RPS6KC1: variants seen among roughly 807,000 people sequenced by gnomAD.
RPS6KC1 encodes the protein inactive ribosomal protein S6 kinase delta-1.
Under a neutral mutation model 103.8 loss-of-function variants are expected in RPS6KC1, and 54 were observed. The observed-to-expected ratio is 0.52, with a 90% CI of 0.42 to 0.65. RPS6KC1 has a LOEUF of 0.65. Ranked by LOEUF, RPS6KC1 falls within the 30% of genes least tolerant of loss-of-function variation. The pLI, the probability that RPS6KC1 is intolerant of heterozygous loss-of-function variation, is 0.00. For synonymous variants in RPS6KC1, 439 were observed against 438.7 expected (o/e 1.00, Z -0.01); for missense variants, 1,151 against 1,253.8 (o/e 0.92, Z 1.24).
At chr1:213,383,502 C>T in the RPS6KC1 span, among the ~76,000 whole-genome samples, 19 of 152,298 alleles carry the variant, frequency 1.2e-4, no homozygotes, top group South Asian at 2.5e-3. Context: ...ATTTCATATC[C>T]GCATCTGTAA....
At chr1:213,660,931 C>G in the RPS6KC1 span, among the ~76,000 whole-genome samples, 2 of 152,304 alleles carry the variant, frequency 1.3e-5, no homozygotes, top group African/African-American at 4.8e-5. Context: ...TTTCAGAGAT[C>G]ATTTTGCCTG....
the RPS6KC1 span, among the ~76,000 whole-genome samples, chr1:213,667,136 C>T: frequency 1.3e-5 from 2 of 152,154 alleles, no homozygotes; most frequent in Non-Finnish European, 2.9e-5. Context: ...AGGCCTGGAA[C>T]CCAGGGCTTC....
intron 10 of RPS6KC1, among the ~76,000 whole-genome samples, chr1:213,236,784 T>C (rs2148904905): frequency 6.6e-6 from 1 of 152,230 alleles, no homozygotes; most frequent in South Asian, 2.1e-4. Flanking sequence ...AGTCTCTGAC[T>C]GTGGATATAC....
the RPS6KC1 span, among the ~76,000 whole-genome samples, chr1:213,636,879 C>G: frequency 6.6e-6 from 1 of 151,800 alleles, no homozygotes; most frequent in African/African-American, 2.4e-5. Context: ...TGACAAAGGG[C>G]TAATATCCAG....
chr1:213,296,071 T>C, the RPS6KC1 span, among the ~76,000 whole-genome samples: 1 of 152,208 alleles, frequency 6.6e-6, no homozygotes, highest in Admixed American at 6.5e-5. Context: ...TTTGAATCAT[T>C]TGTAAAGTGC....
chr1:213,570,348 A>G, the RPS6KC1 span, among the ~76,000 whole-genome samples: 1 of 152,216 alleles, frequency 6.6e-6, no homozygotes, highest in Non-Finnish European at 1.5e-5. Flanking sequence ...GTTGGGTGTC[A>G]CTGACCAAAG....
the RPS6KC1 span, among the ~76,000 whole-genome samples, chr1:213,378,076 A>T: frequency 2.7e-4 from 41 of 152,352 alleles, 1 homozygote; most frequent in South Asian, 7.4e-3. Flanking sequence ...CCCTCCACCC[A>T]GCAACCTTGC....
At chr1:213,137,756 T>TCG (rs1482668099) in intron 6 of RPS6KC1, among the ~76,000 whole-genome samples, 10 of 24,856 alleles carry the variant, frequency 4.0e-4, no homozygotes, top group South Asian at 3.6e-3. Flanking sequence ...CAGTTTGCTC[T>TCG]CTCTCTCTCT....
the RPS6KC1 span, among the ~76,000 whole-genome samples, chr1:213,725,875 A>G: frequency 7.9e-5 from 12 of 152,158 alleles, no homozygotes; most frequent in East Asian, 2.3e-3. Context: ...TCCCTTGCTG[A>G]GTGCTGGCAA....
At chr1:213,706,291 T>C in the RPS6KC1 span, among the ~76,000 whole-genome samples, 1 of 152,186 alleles carries the variant, frequency 6.6e-6, no homozygotes, top group Non-Finnish European at 1.5e-5. Context: ...CCCCTCTGGC[T>C]AGGGCTTGTT....
intron 14 of RPS6KC1, among the ~76,000 whole-genome samples, chr1:213,266,391 ATAATT>A (rs1427106974): frequency 6.6e-6 from 1 of 152,258 alleles, no homozygotes; most frequent in Non-Finnish European, 1.5e-5. Context: ...TTGTAAATAA[ATAATT>A]TAATATTTCA....
the RPS6KC1 span, among the ~76,000 whole-genome samples, chr1:213,591,323 C>T: frequency 4.6e-5 from 7 of 152,324 alleles, 1 homozygote; most frequent in African/African-American, 1.7e-4. Flanking sequence ...CTTATCTTTG[C>T]ACACAAAACC....
At chr1:213,352,058 G>A in the RPS6KC1 span, among the ~76,000 whole-genome samples, 23 of 151,960 alleles carry the variant, frequency 1.5e-4, no homozygotes, top group Non-Finnish European at 2.9e-4. Context: ...AAAGGGCTAT[G>A]GAGGAAAGAA....
chr1:213,096,735 C>T (rs2081494220), intron 3 of RPS6KC1, among the ~76,000 whole-genome samples: 1 of 151,776 alleles, frequency 6.6e-6, no homozygotes, highest in South Asian at 2.1e-4. Context: ...GGTGGTGAAT[C>T]CTTTCCAGAA....
chr1:213,095,927 G>C (rs564963816), intron 3 of RPS6KC1, among the ~76,000 whole-genome samples: 62 of 152,230 alleles, frequency 4.1e-4, no homozygotes, highest in Non-Finnish European at 5.1e-4. Flanking sequence ...TGAAAGTTGG[G>C]GTAGTTGTGG....
the RPS6KC1 span, among the ~76,000 whole-genome samples, chr1:213,503,954 G>A: frequency 1.3e-5 from 2 of 152,066 alleles, no homozygotes; most frequent in Non-Finnish European, 2.9e-5. Flanking sequence ...TATTTACATA[G>A]CATTGTTTAT....
chr1:213,522,419 G>C, the RPS6KC1 span, among the ~76,000 whole-genome samples: 2 of 152,266 alleles, frequency 1.3e-5, no homozygotes, highest in South Asian at 4.1e-4. Flanking sequence ...TTTTTAGAAT[G>C]GTCAATGAGC....
chr1:213,277,537 C>T (rs541711900), downstream of RPS6KC1, among the ~76,000 whole-genome samples: 1 of 152,330 alleles, frequency 6.6e-6, no homozygotes, highest in South Asian at 2.1e-4. Flanking sequence ...CTTTATTCAT[C>T]TGGATTTAAA....
chr1:213,577,677 A>T, the RPS6KC1 span, among the ~76,000 whole-genome samples: 1 of 152,202 alleles, frequency 6.6e-6, no homozygotes, highest in African/African-American at 2.4e-5. Context: ...GATCTGTGGA[A>T]CTTTGAACTT....
Sources: gnomAD v4.1 joint callset for allele counts (sites outside exome capture counted in the v4.1 genomes callset) on GRCh38, gnomAD v4.1.1 for gene constraint, MANE v1.5 for transcripts, NCBI Gene and HGNC (gene_info 2026-07-23, HGNC 2026-07-21) for gene names.